PFAS: variants seen among roughly 807,000 people sequenced by gnomAD.
The protein encoded by PFAS is phosphoribosylformylglycinamidine synthase.
PFAS carries 97 observed loss-of-function variants against 140.6 expected under a neutral mutation model. That is an observed-to-expected ratio of 0.69 (90% CI 0.59 to 0.82). The LOEUF (loss-of-function observed/expected upper bound fraction) is 0.82. Ranked by LOEUF, PFAS falls within the 40% of genes least tolerant of loss-of-function variation. PFAS has a pLI of 0.00. For synonymous variants in PFAS, 679 were observed against 718.8 expected (o/e 0.94, Z 0.88); for missense variants, 1,656 against 1,780.2 (o/e 0.93, Z 1.26).
In PFAS at chr17:8,266,087, A is replaced by G; in HGVS notation, c.2701+70A>G. 1 of 1,534,726 alleles carries G rather than the reference A, an allele frequency of 6.5e-7. No individual in the cohort carries two copies. The highest frequency in any genetic ancestry group is 1.9e-4 in the Middle Eastern group (1 of 5,390). ...TGCAGCAGGCGTTCACCATCTGAGC[A>G]GTGGGGCAAAAGGGACTCCAATGGA... On this transcript the variant is annotated intron_variant, in intron 21 of 27. Transcript: ENST00000314666. This position sits in a 1 kb window ranked among gnomAD's most constrained non-coding sequence, Gnocchi z 5.0.
rs149780110 is a variant in PFAS, at chr17:8,265,987, G to A, written c.2671G>A (p.Ala891Thr). 6.2e-6 allele frequency: 10 copies of A among 1,612,368 alleles called. No homozygotes were observed. The highest frequency in any genetic ancestry group is 8.5e-6 in the Non-Finnish European group (10 of 1,179,040). Residue 891 changes from alanine to threonine, a missense_variant, in exon 21 of 28, where the codon GCC (alanine) becomes ACC (threonine). Physicochemically the swap from Ala to Thr is moderately conservative, Grantham distance 58. Around this residue, in one of 2 missense-constraint regions of PFAS, gnomAD observed 883 missense variants for 1,023.0 expected, o/e 0.86. Coordinates refer to ENST00000314666, the MANE Select transcript of PFAS (RefSeq NM_012393.3). ...DLDLPENLVR[A>T]FSITQGLLKD... ...GGACCTTCCTGAGAACTTGGTGCGG[G>A]CCTTCAGCATCACTCAGGGGCTGCT...
intron 1 of PFAS, among the ~76,000 whole-genome samples, chr17:8,250,873 G>A (rs1327280600): frequency 1.3e-5 from 2 of 152,086 alleles, no homozygotes; most frequent in African/African-American, 4.8e-5. Context: ...GATGAAGTGT[G>A]AAAATCATTG....
intron 2 of PFAS, 22 bp downstream of exon 2, chr17:8,254,101 C>A (rs1187157148): frequency 1.9e-6 from 3 of 1,613,748 alleles, no homozygotes; most frequent in Admixed American, 3.3e-5. Flanking sequence ...GTATTAGATT[C>A]TTGGGGGACA....
chr17:8,249,763 G>T (rs2151569694), intron 1 of PFAS, among the ~76,000 whole-genome samples: 1 of 152,274 alleles, frequency 6.6e-6, no homozygotes, highest in South Asian at 2.1e-4. Flanking sequence ...GAAAGTTGGG[G>T]AGGGGCTGAA....
intron 26 of PFAS, 36 bp from the exon 27 acceptor site, chr17:8,268,495 CCT>C (rs1239654820): frequency 6.7e-7 from 1 of 1,501,504 alleles, no homozygotes; most frequent in Admixed American, 1.8e-5. Context: ...TTTTTGAGGT[CCT>C]CCATGTCTCA....
chr17:8,266,817 C>A lies in PFAS; in HGVS notation c.2886C>A (p.Ala962=). ...LVLEVQEPDL[A]QVLKRYRDAG... ...TGGAGGTGCAGGAGCCAGACCTGGC[C>A]CAGGTGCTGAAGCGTTACCGGGATG... Residue 962 remains alanine, a synonymous_variant, in exon 23 of 28, where the codon GCC becomes GCA. Coordinates refer to ENST00000314666, the MANE Select transcript of PFAS (RefSeq NM_012393.3). The surrounding 1 kb of genome is among the most constrained non-coding windows in gnomAD (Gnocchi z 5.0). The A allele has an allele frequency of 6.2e-7, 1 of 1,612,244 alleles. No individual in the cohort carries two copies. The highest frequency in any genetic ancestry group is 1.7e-4 in the Middle Eastern group (1 of 6,052).
At position 8,266,424 on chromosome 17, in the gene PFAS, T is replaced by C; in HGVS notation, c.2821+71T>C. On this transcript the variant is annotated intron_variant, in intron 22 of 27. Coordinates refer to ENST00000314666, the MANE Select transcript of PFAS (RefSeq NM_012393.3). This position sits in a 1 kb window ranked among gnomAD's most constrained non-coding sequence, Gnocchi z 5.0. The stretch of plus-strand genomic sequence containing the variant: ...CCCTGCAGACCCCATTTCCAATATA[T>C]TAAAGAGTGGAGTGCCCTCCAGTCC... 6.3e-7 allele frequency: 1 copy of C among 1,595,728 alleles called. No homozygotes were observed. Among genetic ancestry groups the C allele is most frequent in the Non-Finnish European group, 8.5e-7 (1 of 1,170,434 alleles).
chr17:8,267,886 T>C lies in PFAS; in HGVS notation c.3382+221T>C, dbSNP rs1461508758. ...TACACATATGTAATTAAAATATATATTATTAAATATATATTATTTATATAT... is the reference window on the plus strand; with the variant it reads ...TACACATATGTAATTAAAATATATACTATTAAATATATATTATTTATATAT... On this transcript the variant is annotated intron_variant, in intron 26 of 27. Transcript: ENST00000314666. The surrounding 1 kb of genome is among the most constrained non-coding windows in gnomAD (Gnocchi z 4.9). Among the ~76,000 whole-genome samples the C allele has an allele frequency of 6.9e-6, 1 of 145,838 alleles. No individual in the cohort carries two copies. Among genetic ancestry groups the C allele is most frequent in the Non-Finnish European group, 1.5e-5 (1 of 66,684 alleles).
intron 20 of PFAS, 48 bp downstream of exon 20, chr17:8,265,687 G>A (rs767870973): frequency 6.4e-7 from 1 of 1,557,664 alleles, no homozygotes. Context: ...TGTGATCTTT[G>A]TTTGGCTCCT....
chr17:8,269,077 C>T lies in PFAS; in HGVS notation c.3830C>T (p.Ser1277Phe). 1 of 1,614,008 alleles carries T rather than the reference C, an allele frequency of 6.2e-7. No homozygotes were observed. The highest frequency in any genetic ancestry group is 8.5e-7 in the Non-Finnish European group (1 of 1,179,862). Residue 1277 changes from serine (S) to phenylalanine (F), a missense_variant, in exon 28 of 28, where the codon TCC becomes TTC. Coordinates refer to ENST00000314666, the MANE Select transcript of PFAS (RefSeq NM_012393.3). Reference sequence around the variant, plus strand: ...CAGTACCCTCTGAATCCCAATGGGTCCCCAGGGGGCGTGGCTGGCATCTGC... The same window carrying T: ...CAGTACCCTCTGAATCCCAATGGGTTCCCAGGGGGCGTGGCTGGCATCTGC... Reference protein sequence around the residue: ...TEQYPLNPNGSPGGVAGICSC... With the variant: ...TEQYPLNPNGFPGGVAGICSC...
Position 8,262,993 on chromosome 17 carries a change from G to A in PFAS, c.1410G>A (p.Gln470=), listed in dbSNP as rs541661296. 1 of 1,613,764 alleles carries A rather than the reference G, an allele frequency of 6.2e-7. No individual in the cohort carries two copies. The highest frequency in any genetic ancestry group is 2.2e-5 in the East Asian group (1 of 44,870). Reference sequence around the variant, plus strand: ...GAGGTGGAGCTGCTTCATCTGTGCAGGTGAGTGGGAATTGCTAAAGGTGCA... The same window carrying A: ...GAGGTGGAGCTGCTTCATCTGTGCAAGTGAGTGGGAATTGCTAAAGGTGCA... ...GVGGGAASSV[Q]VQGDNTSDLD... The change falls in exon 12 of 28, where the codon CAG becomes CAA. Residue 470 remains glutamine (Q), a splice_region_variant and synonymous_variant. Transcript: ENST00000314666.
intron 11 of PFAS, 110 bp downstream of exon 11, chr17:8,258,309 G>A (rs902841352): frequency 1.7e-6 from 2 of 1,204,804 alleles, no homozygotes; most frequent in Admixed American, 4.5e-5. Context: ...TAATATGTTG[G>A]CTTATCTTAT....
At position 8,265,456 on chromosome 17, in the gene PFAS, G is replaced by C. The variant is rs754015723; in HGVS notation, c.2449G>C (p.Val817Leu). The change falls in exon 19 of 28, where the codon GTG becomes CTG. Residue 817 changes from valine (V) to leucine (L), a missense_variant. Val to Leu is a conservative substitution (Grantham distance 32, BLOSUM62 1). Transcript: ENST00000314666. ...GGCTGCTCGGGTTGGCACTGAGACC[G>C]TGCGGGCTCCTGGTGAGGTGTGGGA... Reference protein sequence around the residue: ...SMAARVGTETVRAPGSLVISA... With the variant: ...SMAARVGTETLRAPGSLVISA... 1 of 1,613,632 alleles carries C rather than the reference G, an allele frequency of 6.2e-7. No individual in the cohort carries two copies. Among genetic ancestry groups the C allele is most frequent in the Non-Finnish European group, 8.5e-7 (1 of 1,179,610 alleles).
At chr17:8,258,000 C>T (rs1356285407) in intron 10 of PFAS, 62 bp downstream of exon 10, 2 of 1,612,138 alleles carry the variant, frequency 1.2e-6, no homozygotes, top group African/African-American at 1.3e-5. Flanking sequence ...GGGTGTGCGA[C>T]CCAGGGGCTG....
chr17:8,264,728 G>A, intron 17 of PFAS, 127 bp downstream of exon 17: 1 of 1,134,784 alleles, frequency 8.8e-7, no homozygotes, highest in Non-Finnish European at 1.3e-6. Flanking sequence ...GGGCAGGGCA[G>A]CCACCCTGAT....
chr17:8,248,078 TTGGGGGTGGGGATGGGGG>T, upstream of PFAS: 2 of 586,850 alleles, frequency 3.4e-6, no homozygotes, highest in Non-Finnish European at 5.9e-6. Flanking sequence ...AGGTGCTCGC[TTGGGGGTGGGGATGGGGG>T]TGGGGGGGCG....
chr17:8,255,729 G>C (rs951047097), intron 5 of PFAS, 38 bp downstream of exon 5: 2 of 1,604,456 alleles, frequency 1.2e-6, no homozygotes, highest in Non-Finnish European at 1.7e-6. Context: ...GTCCAGGATA[G>C]GCCAGTAGGG....
In PFAS at chr17:8,268,639, G is replaced by A; in HGVS notation, c.3489G>A (p.Leu1163=). The change falls in exon 27 of 28, where the codon CTG becomes CTA. Residue 1163 remains leucine (L), a synonymous_variant. Coordinates refer to ENST00000314666, the MANE Select transcript of PFAS (RefSeq NM_012393.3). The part of the protein sequence containing the change: ...FSLGVCNGCQ[L]LALLGWVGGD... ...TGGGCGTGTGTAATGGCTGTCAACTGCTGGCTCTGCTCGGCTGGGTGGGAG... is the reference window on the plus strand; with the variant it reads ...TGGGCGTGTGTAATGGCTGTCAACTACTGGCTCTGCTCGGCTGGGTGGGAG... 1 of 1,613,848 alleles carries A rather than the reference G, an allele frequency of 6.2e-7. No homozygotes were observed. The highest frequency in any genetic ancestry group is 8.5e-7 in the Non-Finnish European group (1 of 1,180,024).
chr17:8,247,983 A>G (rs755646296), upstream of PFAS: 12 of 1,604,340 alleles, frequency 7.5e-6, no homozygotes, highest in Non-Finnish European at 1.0e-5. Context: ...AAGGAACAAG[A>G]GACGTAATAG....
Sources: gnomAD v4.1 joint callset for allele counts (sites outside exome capture counted in the v4.1 genomes callset) on GRCh38, gnomAD v4.1.1 for gene constraint, gnomAD v4.1.1 regional missense constraint, Gnocchi (gnomAD v3.1) non-coding constraint, MANE v1.5 for transcripts, NCBI Gene and HGNC (gene_info 2026-07-23, HGNC 2026-07-21) for gene names.